Variants in CPD observed in about 807,000 individuals in gnomAD.
CPD encodes the protein carboxypeptidase D.
CPD carries 69 observed loss-of-function variants against 138.3 expected under a neutral mutation model. The observed-to-expected ratio is 0.50, with a 90% CI of 0.41 to 0.61. The LOEUF is 0.61. Among genes scored for constraint, CPD ranks in the 20% least tolerant of loss-of-function variants. CPD has a pLI of 0.00. For synonymous variants in CPD, 651 were observed against 642.1 expected, an observed-to-expected ratio of 1.01 and a Z score of -0.21; for missense variants, 1,432 against 1,733.3, an observed-to-expected ratio of 0.83 and a Z score of 3.09.
intron 2 of CPD, among the ~76,000 whole-genome samples, chr17:30,418,610 T>C (rs1258834934): frequency 1.3e-5 from 2 of 152,212 alleles, no homozygotes; most frequent in Non-Finnish European, 2.9e-5. Flanking sequence ...TTTTTAAGGG[T>C]ACAATTCCCT....
rs1285512249 is a variant in CPD, at chr17:30,466,091, A to G, written c.*1277A>G. The G allele has an allele frequency of 1.3e-5, 2 of 152,674 alleles. No homozygotes were observed. The highest frequency in any genetic ancestry group is 2.9e-5 in the Non-Finnish European group (2 of 68,032). 9.5% of individuals were successfully genotyped at this position (152,674 alleles called of 1,614,324 possible). On this transcript the variant is annotated 3_prime_UTR_variant, in exon 21 of 21. Transcript: ENST00000225719. ...GAAAGTGTCATCTTCACTGCCAATC[A>G]GGCAAAGACCGGAAAGATTTGCATT...
chr17:30,464,457 G>A, intron 20 of CPD, 131 bp from the exon 21 acceptor site: 2 of 685,352 alleles, frequency 2.9e-6, no homozygotes, highest in Non-Finnish European at 2.5e-6. Context: ...TAATAATAAA[G>A]GTTGTTCTTA....
At position 30,469,961 on chromosome 17, in the gene CPD, A is replaced by G. The variant is rs1913740111; in HGVS notation, c.*5147A>G. ...AGATTTATAATAGCTGATTGTTCTC[A>G]GCAAATTAAACATGATGGTCAACGC... On this transcript the variant is annotated 3_prime_UTR_variant, in exon 21 of 21. Coordinates refer to ENST00000225719, the MANE Select transcript of CPD (RefSeq NM_001304.5). The G allele has an allele frequency of 6.6e-6, 1 of 152,116 alleles. No homozygotes were observed. The highest frequency in any genetic ancestry group is 2.1e-4 in the South Asian group (1 of 4,830). 9.4% of individuals were successfully genotyped at this position (152,116 alleles called of 1,614,324 possible). A position where few individuals can be genotyped will look rare whatever the true frequency, so the allele number is the denominator to read the frequency against.
Position 30,385,343 on chromosome 17 carries a change from G to T in CPD, c.994+107G>T. The T allele has an allele frequency of 2.8e-5, 37 of 1,341,036 alleles. 1 individual carries two copies. The highest frequency in any genetic ancestry group is 3.6e-5 in the Non-Finnish European group (36 of 989,170). The allele number at this position is 1,341,036 out of a possible 1,614,324, so 83.1% of individuals were successfully genotyped here. On this transcript the variant is annotated intron_variant, in intron 2 of 20. Transcript: ENST00000225719. ...ACTCTGTAGAAATCTAACTTTAAAA[G>T]ATATTTATTTTTATTTTGAAAATTT... is the stretch of plus-strand genomic sequence containing the variant.
intron 2 of CPD, among the ~76,000 whole-genome samples, chr17:30,389,627 C>G (rs952916070): frequency 3.3e-5 from 5 of 152,172 alleles, no homozygotes; most frequent in Admixed American, 6.5e-5. Context: ...GTAAATGTAT[C>G]TCATACTACT....
intron 7 of CPD, among the ~76,000 whole-genome samples, chr17:30,428,823 A>C (rs1912488581): frequency 1.3e-5 from 2 of 152,078 alleles, no homozygotes; most frequent in Admixed American, 1.3e-4. Flanking sequence ...AACCCTGTGA[A>C]TATAAACAAC....
At chr17:30,394,388 C>T (rs1008475147) in intron 2 of CPD, among the ~76,000 whole-genome samples, 1 of 152,092 alleles carries the variant, frequency 6.6e-6, no homozygotes, top group African/African-American at 2.4e-5. Flanking sequence ...TTAGCTGTAA[C>T]CTCTTCTGAA....
In CPD at chr17:30,451,762, C is replaced by T. The variant is rs771349056; in HGVS notation, c.3121C>T (p.Arg1041Ter). Reference sequence around the variant, plus strand: ...TGTCCCTTCTCTAAATCCAGATGGGCGAGAGAGAGCTCAAGAGAAAGACTG... The same window carrying T: ...TGTCCCTTCTCTAAATCCAGATGGGTGAGAGAGAGCTCAAGAGAAAGACTG... ...VIVPSLNPDG[R>*]ERAQEKDCTS... The change falls in exon 14 of 21, where the codon CGA (arginine) becomes TGA (stop). Residue 1041 changes from arginine to a stop codon, truncating the protein, a stop_gained. Transcript: ENST00000225719. LOFTEE classifies it high-confidence loss of function. The T allele has an allele frequency of 4.3e-6, 7 of 1,613,776 alleles. No individual in the cohort carries two copies. Among genetic ancestry groups the T allele is most frequent in the Admixed American group, 1.7e-5 (1 of 59,986 alleles).
intron 4 of CPD, among the ~76,000 whole-genome samples, chr17:30,422,394 A>G (rs1166048598): frequency 4.6e-5 from 7 of 152,224 alleles, no homozygotes; most frequent in Non-Finnish European, 1.0e-4. Context: ...AGTAACAACC[A>G]CATCTTTCAA....
chr17:30,448,527 C>T (rs961719671), intron 12 of CPD, among the ~76,000 whole-genome samples: 16 of 152,284 alleles, frequency 1.1e-4, no homozygotes, highest in African/African-American at 3.6e-4. Flanking sequence ...CACCAACAGG[C>T]ACTAAGTACC....
intron 2 of CPD, among the ~76,000 whole-genome samples, chr17:30,409,793 T>C (rs1195896910): frequency 6.6e-6 from 1 of 152,176 alleles, no homozygotes; most frequent in East Asian, 1.9e-4. Flanking sequence ...TGTTGATCTT[T>C]TCAAAAAACC....
intron 17 of CPD, among the ~76,000 whole-genome samples, chr17:30,458,109 G>A (rs1319307530): frequency 2.0e-5 from 3 of 152,048 alleles, no homozygotes; most frequent in Non-Finnish European, 4.4e-5. Context: ...CAGGAGAATC[G>A]CTTGAACTTG....
chr17:30,427,160 T>C (rs1912437678), intron 6 of CPD, among the ~76,000 whole-genome samples: 1 of 148,414 alleles, frequency 6.7e-6, no homozygotes, highest in Non-Finnish European at 1.5e-5. Flanking sequence ...CCAGCCTGGG[T>C]GACTGAGTGA....
Position 30,393,081 on chromosome 17 carries a change from A to G in CPD, c.994+7845A>G, listed in dbSNP as rs150044140. 6.6e-5 allele frequency among the ~76,000 whole-genome samples: 10 copies of G among 152,332 alleles called. No individual in the cohort carries two copies. In the East Asian group the frequency reaches 9.6e-4, roughly 15 times the overall value. On this transcript the variant is annotated intron_variant, in intron 2 of 20. Transcript: ENST00000225719. ...AATAAACTGTTCTTTGGATTTATCA[A>G]ATTTTCTTCCCTCTCCTTTTATACA... is the stretch of plus-strand genomic sequence containing the variant.
intron 10 of CPD, among the ~76,000 whole-genome samples, chr17:30,443,435 G>T (rs1310738280): frequency 1.3e-5 from 2 of 152,042 alleles, no homozygotes; most frequent in East Asian, 3.9e-4. Flanking sequence ...CATTGCATTG[G>T]ATTATTATAT....
Position 30,464,725 on chromosome 17 carries a change from TC to T in CPD, c.4055del (p.Ser1352LeufsTer9), listed in dbSNP as rs1378163818. On this transcript the variant is annotated frameshift_variant, in exon 21 of 21. Coordinates refer to ENST00000225719, the MANE Select transcript of CPD (RefSeq NM_001304.5). LOFTEE classifies it high-confidence loss of function. ...DEYEDEIRMM[S>X]TGSKKSLLSH... ...GTATGAAGATGAAATTCGCATGATGTCTACCGGCTCCAAGAAGTCCCTCCTA... is the reference window on the plus strand; with the variant it reads ...GTATGAAGATGAAATTCGCATGATGTTACCGGCTCCAAGAAGTCCCTCCTA... The T allele has an allele frequency of 6.2e-7, 1 of 1,614,004 alleles. No homozygotes were observed. The highest frequency in any genetic ancestry group is 1.1e-5 in the South Asian group (1 of 91,072).
chr17:30,420,587 T>G (rs1300702073), intron 2 of CPD, among the ~76,000 whole-genome samples: 1 of 152,232 alleles, frequency 6.6e-6, no homozygotes, highest in Non-Finnish European at 1.5e-5. Context: ...AACTGATATA[T>G]TCATACTTTT....
At chr17:30,404,170 G>A (rs1911746520) in intron 2 of CPD, among the ~76,000 whole-genome samples, 1 of 152,058 alleles carries the variant, frequency 6.6e-6, no homozygotes, top group South Asian at 2.1e-4. Context: ...TGTATACATT[G>A]CACTGTACAT....
intron 1 of CPD, 152 bp from the exon 2 acceptor site, chr17:30,384,837 C>T: frequency 1.4e-6 from 1 of 711,906 alleles, no homozygotes; most frequent in Non-Finnish European, 2.2e-6. Flanking sequence ...TGTTGTTAGT[C>T]TCCTTATAAC....
Sources: allele counts gnomAD v4.1 joint callset (sites outside exome capture counted in the v4.1 genomes callset), GRCh38; gene constraint gnomAD v4.1.1; transcripts MANE v1.5; gene names NCBI Gene and HGNC (gene_info 2026-07-23, HGNC 2026-07-21).